Variants in NOS2 observed in about 807,000 individuals in gnomAD.
The protein encoded by NOS2 is nitric oxide synthase, inducible.
A neutral mutation model predicts 136.0 loss-of-function variants in NOS2; 96 were observed. The ratio of observed to expected loss-of-function variants is 0.71; its 90% CI spans 0.60 to 0.84. The LOEUF (loss-of-function observed/expected upper bound fraction) is 0.84. NOS2 is among the 40% of genes least tolerant of loss of function. The probability of loss-of-function intolerance (pLI) is 0.00; values close to 1 mark genes in which losing one functional copy is unlikely to be tolerated. For missense variants in NOS2, 1,237 were observed against 1,496.9 expected, an observed-to-expected ratio of 0.83 and a Z score of 2.87; for synonymous variants, 539 against 587.5, an observed-to-expected ratio of 0.92 and a Z score of 1.20.
rs201281278 is a variant in NOS2 at position 27,774,372 on chromosome 17, C to T, written c.1361G>A (p.Arg454His). 7.0e-6 allele frequency: 11 copies of T among 1,581,652 alleles called. No homozygotes were observed. The highest frequency in any genetic ancestry group is 1.8e-5 in the Admixed American group (1 of 55,436). The change falls in exon 12 of 27, where the codon CGT becomes CAT. Residue 454 changes from arginine (R) to histidine (H), a missense_variant. Arg to His is a conservative substitution (Grantham distance 29). This residue lies in a region of NOS2 where 782 missense variants were observed against 909.9 expected (regional missense o/e 0.86). Transcript: ENST00000313735. ...AATCCAGTCTGCCGGGCAGCCCCCA[C>T]GGGACCGGTATTCATTCTGCATGTA... is the stretch of plus-strand genomic sequence containing the variant. ...MKYMQNEYRS[R>H]GGCPADWIWL...
intron 5 of NOS2, among the ~76,000 whole-genome samples, chr17:27,784,906 T>C (rs1360648670): frequency 2.6e-5 from 4 of 152,164 alleles, no homozygotes; most frequent in African/African-American, 9.7e-5. Flanking sequence ...ACTTGTGACT[T>C]GGAAAAATAC....
At chr17:27,796,106 A>G (rs1008809483) in intron 2 of NOS2, among the ~76,000 whole-genome samples, 2 of 152,186 alleles carry the variant, frequency 1.3e-5, no homozygotes, top group African/African-American at 4.8e-5. Flanking sequence ...CCTGGACAAC[A>G]GAGCAAGATT....
chr17:27,791,257 A>C (rs182547417), intron 2 of NOS2, among the ~76,000 whole-genome samples: 38 of 152,354 alleles, frequency 2.5e-4, no homozygotes, highest in African/African-American at 9.1e-4. Context: ...GCCAACTGGC[A>C]AAGATGCTTT....
rs1170264359 is a variant in NOS2, at chr17:27,760,056, A to G, written c.3133T>C (p.Tyr1045His). 2 of 1,570,948 alleles carry G rather than the reference A, an allele frequency of 1.3e-6. No individual in the cohort carries two copies. Among genetic ancestry groups the G allele is most frequent in the East Asian group, 2.4e-5 (1 of 42,342 alleles). The change falls in exon 25 of 27, where the codon TAT becomes CAT. Residue 1045 changes from tyrosine (Y) to histidine (H), a missense_variant. This residue lies in a region of NOS2 where 782 missense variants were observed against 909.9 expected (regional missense o/e 0.86). Coordinates refer to ENST00000313735, the MANE Select transcript of NOS2 (RefSeq NM_000625.4). Reference protein sequence around the residue: ...KGVLHAVHTAYSRLPGKPKVY... With the variant: ...KGVLHAVHTAHSRLPGKPKVY... ...TTGGGCTTGCCAGGCAGGCGGGAATAGGCTGTGTGCACCGCATGCAGCACC... is the reference window on the plus strand; with the variant it reads ...TTGGGCTTGCCAGGCAGGCGGGAATGGGCTGTGTGCACCGCATGCAGCACC...
At chr17:27,759,531 C>T (rs1297449347) in intron 25 of NOS2, among the ~76,000 whole-genome samples, 4 of 152,122 alleles carry the variant, frequency 2.6e-5, no homozygotes, top group Admixed American at 6.5e-5. Context: ...ACACAGGATG[C>T]CCAGTGGCCC....
rs201500956 is a variant in NOS2 at position 27,769,158 on chromosome 17, G to A, written c.1860-7C>T. 1.4e-4 allele frequency: 226 copies of A among 1,603,840 alleles called. No individual in the cohort carries two copies. Among genetic ancestry groups the A allele is most frequent in the African/African-American group, 1.1e-3 (81 of 74,926 alleles). ...GAGGCCAAACACAGCGTACCTGCCC[G>A]AGGACACACACAGAGACACATGTCC... On this transcript the variant is annotated splice_polypyrimidine_tract_variant and splice_region_variant and intron_variant, in intron 16 of 26. Coordinates refer to ENST00000313735, the MANE Select transcript of NOS2 (RefSeq NM_000625.4).
Position 27,769,018 on chromosome 17 carries a change from G to C in NOS2, c.1993C>G (p.Gln665Glu). The change falls in exon 17 of 27, where the codon CAG becomes GAG. Residue 665 changes from glutamine to glutamate, a missense_variant. By Grantham distance (29) the Gln-to-Glu change is conservative. Transcript: ENST00000313735. ...GCCCAGCTGCGGAAGGCGTCCTCCTGCCCACTGAGCTCATCCCCTTCTCCC... is the reference window on the plus strand; with the variant it reads ...GCCCAGCTGCGGAAGGCGTCCTCCTCCCCACTGAGCTCATCCCCTTCTCCC... Reference protein sequence around the residue: ...PMGEGDELSGQEDAFRSWAVQ... With the variant: ...PMGEGDELSGEEDAFRSWAVQ... 1 of 1,612,024 alleles carries C rather than the reference G, an allele frequency of 6.2e-7. No homozygotes were observed. The highest frequency in any genetic ancestry group is 8.5e-7 in the Non-Finnish European group (1 of 1,179,376).
Position 27,757,283 on chromosome 17 carries a change from G to A in NOS2, c.3425C>T (p.Ala1142Val), listed in dbSNP as rs200748226. 44 of 1,613,820 alleles carry A rather than the reference G, an allele frequency of 2.7e-5. No homozygotes were observed. The African/African-American group carries it at 3.3e-4, about 12-fold the overall frequency. ...FPYEAKKDRV[A>V]VQPSSLEMSA... ...CATCTCCAGGCTGCTGGGCTGCACC[G>A]CCACCCTGTCCTTCTTCGCCTCGTA... Residue 1142 changes from alanine (A) to valine (V), a missense_variant, in exon 27 of 27, where the codon GCG (alanine) becomes GTG (valine). This residue lies in a region of NOS2 where 782 missense variants were observed against 909.9 expected (regional missense o/e 0.86). Coordinates refer to ENST00000313735, the MANE Select transcript of NOS2 (RefSeq NM_000625.4).
At chr17:27,769,238 C>T (rs1908410651) in intron 16 of NOS2, 87 bp from the exon 17 acceptor site, 3 of 1,290,056 alleles carry the variant, frequency 2.3e-6, no homozygotes, top group Admixed American at 4.5e-5. Context: ...GGAGAGCCAG[C>T]CCCAGACTCT....
At chr17:27,784,066 T>C (rs1908935886) in intron 5 of NOS2, among the ~76,000 whole-genome samples, 1 of 151,892 alleles carries the variant, frequency 6.6e-6, no homozygotes, top group Non-Finnish European at 1.5e-5. Flanking sequence ...AACTTGCTTC[T>C]CTCCTCCCCT....
At chr17:27,796,717 A>C (rs1008906023) in intron 2 of NOS2, among the ~76,000 whole-genome samples, 4 of 152,094 alleles carry the variant, frequency 2.6e-5, no homozygotes, top group African/African-American at 9.7e-5. Context: ...TTGGCAAGAG[A>C]GAGCTCAGAG....
rs201718531 is a variant in NOS2, at chr17:27,760,632, G to A, written c.3001C>T (p.Gln1001Ter). ...AAGCCTCCAGCCTTACCCTTGTGCT[G>A]GGAGTCATGGAGCCGTTGCTGCCAG... ...SFWQQRLHDS[Q>*]HKGVRGGRMT... Residue 1001 changes from glutamine to a stop codon, truncating the protein, a stop_gained, in exon 24 of 27, where the codon CAG becomes TAG. Transcript: ENST00000313735. LOFTEE classifies it high-confidence loss of function. The A allele has an allele frequency of 2.6e-6, 4 of 1,553,732 alleles. No homozygotes were observed. Among genetic ancestry groups the A allele is most frequent in the Non-Finnish European group, 3.5e-6 (4 of 1,148,222 alleles).
rs756127385 is a variant in NOS2, at chr17:27,789,608, C to T, written c.191G>A (p.Gly64Glu). ...NESPQPLVET[G>E]KKSPESLVKL... ...ACACCCATGTGACTCACTGACCTTT[C>T]CCGTCTCCACGAGGGGCTGCGGGGA... The change falls in exon 3 of 27, where the codon GGA (glycine) becomes GAA (glutamate). Residue 64 changes from glycine to glutamate, a missense_variant. Gly to Glu is a moderately conservative substitution (Grantham distance 98). Coordinates refer to ENST00000313735, the MANE Select transcript of NOS2 (RefSeq NM_000625.4). The T allele has an allele frequency of 1.2e-6, 2 of 1,613,212 alleles. No homozygotes were observed. The highest frequency in any genetic ancestry group is 1.7e-6 in the Non-Finnish European group (2 of 1,179,212).
At chr17:27,776,028 T>G (rs184949447) in intron 11 of NOS2, among the ~76,000 whole-genome samples, 1 of 152,178 alleles carries the variant, frequency 6.6e-6, no homozygotes, top group East Asian at 1.9e-4. Context: ...GAAACTCTGA[T>G]GGAGGCAGGC....
chr17:27,781,214 C>A, intron 7 of NOS2, 37 bp from the exon 8 acceptor site: 1 of 1,575,806 alleles, frequency 6.3e-7, no homozygotes, highest in South Asian at 1.1e-5. Context: ...TACCACCTAG[C>A]CCTGGTGGGG....
At chr17:27,788,266 AT>A (rs1484812221) in intron 4 of NOS2, among the ~76,000 whole-genome samples, 3 of 152,076 alleles carry the variant, frequency 2.0e-5, no homozygotes, top group African/African-American at 7.2e-5. Context: ...GTTTGGGGGC[AT>A]GTGGGAAATA....
At chr17:27,767,393 C>T (rs1908339745) in intron 18 of NOS2, among the ~76,000 whole-genome samples, 1 of 152,174 alleles carries the variant, frequency 6.6e-6, no homozygotes, top group Admixed American at 6.5e-5. Context: ...CCATCTGTGC[C>T]TTTCTCCCAG....
chr17:27,787,885 T>G, intron 4 of NOS2, 59 bp from the exon 5 acceptor site: 1 of 1,540,000 alleles, frequency 6.5e-7, no homozygotes, highest in Non-Finnish European at 8.8e-7. Flanking sequence ...CACCCTCCTC[T>G]GGGGCCAGCT....
At chr17:27,796,423 G>A (rs1012630537) in intron 2 of NOS2, among the ~76,000 whole-genome samples, 11 of 152,082 alleles carry the variant, frequency 7.2e-5, no homozygotes, top group African/African-American at 2.7e-4. Flanking sequence ...CCACTACACT[G>A]AAGTCTGGGC....
Sources: gnomAD v4.1 joint callset for allele counts (sites outside exome capture counted in the v4.1 genomes callset) on GRCh38, gnomAD v4.1.1 for gene constraint, gnomAD v4.1.1 regional missense constraint, MANE v1.5 for transcripts, NCBI Gene and HGNC (gene_info 2026-07-23, HGNC 2026-07-21) for gene names.